EZH1: variants seen among roughly 807,000 people sequenced by gnomAD.
The protein encoded by EZH1 is histone-lysine N-methyltransferase EZH1.
Under a neutral mutation model 100.5 loss-of-function variants are expected in EZH1, and 33 were observed. The observed-to-expected ratio is 0.33, with a 90% CI of 0.25 to 0.44. The LOEUF is 0.44. EZH1 is among the 20% of genes least tolerant of loss of function. EZH1 has a pLI of 1.00. For synonymous variants in EZH1, 272 were observed against 313.8 expected, an observed-to-expected ratio of 0.87 and a Z score of 1.41; for missense variants, 475 against 928.4, an observed-to-expected ratio of 0.51 and a Z score of 6.35.
intron 4 of EZH1, among the ~76,000 whole-genome samples, chr17:42,725,228 T>C (rs2053795085): frequency 6.6e-6 from 1 of 151,554 alleles, no homozygotes; most frequent in Non-Finnish European, 1.5e-5. Context: ...TAACATCATC[T>C]CCTAAAAGGA....
intron 13 of EZH1, chr17:42,709,127 A>G (rs2053422229): frequency 3.4e-6 from 2 of 587,116 alleles, no homozygotes; most frequent in Non-Finnish European, 6.1e-6. Flanking sequence ...CTTAAACACA[A>G]CCCCTCCCAA....
intron 1 of EZH1, among the ~76,000 whole-genome samples, chr17:42,741,723 C>G (rs532048668): frequency 3.9e-5 from 6 of 152,232 alleles, no homozygotes; most frequent in African/African-American, 1.4e-4. Context: ...GGGTCTTGCT[C>G]TGTTGCCCAG....
chr17:42,707,989 G>A lies in EZH1; in HGVS notation c.1629C>T (p.Phe543=), dbSNP rs2053394066. ...GGTTGCACTGGCAGAACTTCTCACA[G>A]AAATTCTGAGTCATGATGCAGGGGC... is the stretch of plus-strand genomic sequence containing the variant. ...STCPCIMTQN[F]CEKFCQCNPD... is the part of the protein sequence containing the mutation. Residue 543 remains phenylalanine (F), a synonymous_variant, in exon 15 of 21, where the codon TTC becomes TTT. Coordinates refer to ENST00000428826, the MANE Select transcript of EZH1 (RefSeq NM_001991.5). 1 of 1,613,654 alleles carries A rather than the reference G, an allele frequency of 6.2e-7. No homozygotes were observed. The highest frequency in any genetic ancestry group is 8.5e-7 in the Non-Finnish European group (1 of 1,179,950).
intron 10 of EZH1, among the ~76,000 whole-genome samples, chr17:42,714,935 TA>T (rs2053565455): frequency 7.2e-6 from 1 of 138,898 alleles, no homozygotes; most frequent in South Asian, 2.1e-4. Flanking sequence ...TATATAAATA[TA>T]AAATATATAT....
intron 4 of EZH1, chr17:42,724,760 C>G (rs139077313): frequency 2.4e-5 from 4 of 167,112 alleles, no homozygotes; most frequent in Non-Finnish European, 5.1e-5. Context: ...GGTGACAGAG[C>G]GAGACTCTGT....
In EZH1 at chr17:42,720,335, T is replaced by C; in HGVS notation, c.602A>G (p.Lys201Arg). The C allele has an allele frequency of 6.2e-7, 1 of 1,614,224 alleles. No individual in the cohort carries two copies. Among genetic ancestry groups the C allele is most frequent in the Non-Finnish European group, 8.5e-7 (1 of 1,180,052 alleles). ...EEGHNDTSDG[K>R]QDDSKEDLPV... Reference sequence around the variant, plus strand: ...CAGATCTTCTTTGCTGTCATCCTGCTTTCCATCTGAGGTGTCATTGTGCCC... The same window carrying C: ...CAGATCTTCTTTGCTGTCATCCTGCCTTCCATCTGAGGTGTCATTGTGCCC... The change falls in exon 7 of 21, where the codon AAG becomes AGG. Residue 201 changes from lysine to arginine, a missense_variant. Transcript: ENST00000428826.
chr17:42,718,608 T>C lies in EZH1; in HGVS notation c.777A>G (p.Glu259=), dbSNP rs2143788635. 6.2e-7 allele frequency: 1 copy of C among 1,614,148 alleles called. No individual in the cohort carries two copies. ...VPDDMKERYR[E]LTEMSDPNAL... ...CATTGGGGTCTGACATCTCTGTTAGTTCTCGATACCTATTTAAGAAAAGAG... is the reference window on the plus strand; with the variant it reads ...CATTGGGGTCTGACATCTCTGTTAGCTCTCGATACCTATTTAAGAAAAGAG... The change falls in exon 9 of 21, where the codon GAA becomes GAG. Residue 259 remains glutamate, a synonymous_variant. Transcript: ENST00000428826. The surrounding 1 kb of genome is among the most constrained non-coding windows in gnomAD (Gnocchi z 4.2).
chr17:42,728,557 T>C (rs886947287), intron 3 of EZH1, among the ~76,000 whole-genome samples: 15 of 150,582 alleles, frequency 1.0e-4, no homozygotes, highest in Non-Finnish European at 1.6e-4. Flanking sequence ...CTGGCTAACA[T>C]GGTGAAACCC....
At chr17:42,712,624 CAG>C in intron 11 of EZH1, 139 bp from the exon 12 acceptor site, 1 of 884,904 alleles carries the variant, frequency 1.1e-6, no homozygotes, top group Non-Finnish European at 1.7e-6. Context: ...ATCTTTAGGC[CAG>C]GCATGGTGGC....
intron 19 of EZH1, 150 bp from the exon 20 acceptor site, chr17:42,703,111 T>C: frequency 1.5e-6 from 1 of 675,950 alleles, no homozygotes; most frequent in South Asian, 1.8e-5. Context: ...CCTCTATGCT[T>C]TTAGATCTGT....
At chr17:42,740,120 C>A (rs888129165) in intron 1 of EZH1, among the ~76,000 whole-genome samples, 2 of 152,154 alleles carry the variant, frequency 1.3e-5, no homozygotes, top group African/African-American at 4.8e-5. Flanking sequence ...ATGATCATAG[C>A]TCACTGCACT....
chr17:42,725,375 C>T (rs1352599560), intron 4 of EZH1, among the ~76,000 whole-genome samples: 1 of 151,616 alleles, frequency 6.6e-6, no homozygotes. Flanking sequence ...CTAAAGCCAT[C>T]CTCCAACCTC....
chr17:42,734,587 A>C (rs1397482381), intron 1 of EZH1, among the ~76,000 whole-genome samples: 21 of 151,472 alleles, frequency 1.4e-4, no homozygotes, highest in African/African-American at 4.8e-4. Flanking sequence ...AGAATCACCT[A>C]AGCATGGGGA....
chr17:42,721,126 CA>C lies in EZH1; in HGVS notation c.488-678del, dbSNP rs542121773. On this transcript the variant is annotated intron_variant, in intron 6 of 20. Coordinates refer to ENST00000428826, the MANE Select transcript of EZH1 (RefSeq NM_001991.5). ...TGGGTCAGTAATGACGTCTCTAAATCAAAAGACAGCAATTTTTCCTAAAATT... is the reference window on the plus strand; with the variant it reads ...TGGGTCAGTAATGACGTCTCTAAATCAAAGACAGCAATTTTTCCTAAAATT... 6.6e-5 allele frequency among the ~76,000 whole-genome samples: 10 copies of C among 152,330 alleles called. No homozygotes were observed. The South Asian group carries it at 1.9e-3, about 28-fold the overall frequency.
At chr17:42,716,623 T>A (rs2053609402) in intron 10 of EZH1, among the ~76,000 whole-genome samples, 1 of 152,212 alleles carries the variant, frequency 6.6e-6, no homozygotes, top group African/African-American at 2.4e-5. Flanking sequence ...GGCAATGACC[T>A]TTTGACTTAT....
intron 2 of EZH1, among the ~76,000 whole-genome samples, chr17:42,729,822 G>A (rs1354631050): frequency 1.3e-5 from 2 of 151,250 alleles, no homozygotes; most frequent in East Asian, 1.9e-4. Flanking sequence ...GGTGGATCAC[G>A]AGGTCAGGAG....
intron 18 of EZH1, 120 bp from the exon 19 acceptor site, chr17:42,703,940 G>C (rs2053297237): frequency 1.3e-6 from 1 of 763,130 alleles, no homozygotes; most frequent in Non-Finnish European, 2.3e-6. Flanking sequence ...GAATGTTGAA[G>C]CCCAGTGTGC....
Position 42,719,134 on chromosome 17 carries a change from C to G in EZH1, c.738G>C (p.Glu246Asp). 1 of 1,614,006 alleles carries G rather than the reference C, an allele frequency of 6.2e-7. No homozygotes were observed. Among genetic ancestry groups the G allele is most frequent in the Non-Finnish European group, 8.5e-7 (1 of 1,179,928 alleles). ...IFSAIASMFP[E>D]NGVPDDMKER... is the part of the protein sequence containing the mutation. ...CCTTCATGTCATCTGGGACACCATT[C>G]TCAGGGAACATTGAGGCAATTGCAC... Residue 246 changes from glutamate (E) to aspartate (D), a missense_variant, in exon 8 of 21, where the codon GAG becomes GAC. Transcript: ENST00000428826.
At chr17:42,711,899 T>TGCAGCAGCTGCAGCAGCAGCA (rs1478599041) in intron 12 of EZH1, among the ~76,000 whole-genome samples, 2 of 20,524 alleles carry the variant, frequency 9.7e-5, no homozygotes, top group East Asian at 1.4e-3. Flanking sequence ...GAGCAGCAGC[T>TGCAGCAGCTGCAGCAGCAGCA]GCAGCAGCTG....
Sources: gnomAD v4.1 joint callset for allele counts (sites outside exome capture counted in the v4.1 genomes callset) on GRCh38, gnomAD v4.1.1 for gene constraint, Gnocchi (gnomAD v3.1) non-coding constraint, MANE v1.5 for transcripts, NCBI Gene and HGNC (gene_info 2026-07-23, HGNC 2026-07-21) for gene names.